Variants in KLF8 observed in about 807,000 individuals in gnomAD.
KLF8 encodes the protein Krueppel-like factor 8.
KLF8 carries 10 observed loss-of-function variants against 18.2 expected under a neutral mutation model. The observed-to-expected ratio is 0.55, with a 90% confidence interval of 0.34 to 0.93. The LOEUF is 0.93. Ranked by LOEUF, KLF8 falls within the 40% of genes least tolerant of loss-of-function variation. The pLI, the probability that KLF8 is intolerant of heterozygous loss-of-function variation, is 0.02. For synonymous variants in KLF8, 109 were observed against 97.3 expected (o/e 1.12, Z -0.71); for missense variants, 264 against 277.9 (o/e 0.95, Z 0.36).
chrX:56,121,166 A>T, the KLF8 span, among the ~76,000 whole-genome samples: 2 of 100,548 alleles, frequency 2.0e-5, no homozygotes, highest in African/African-American at 7.8e-5. Context: ...AGCCTGGGCC[A>T]CAGAGCGAGA....
the KLF8 span, among the ~76,000 whole-genome samples, chrX:55,958,934 G>C: frequency 3.6e-5 from 4 of 112,100 alleles, no homozygotes; most frequent in Middle Eastern, 4.6e-3. Context: ...ACATGTGTGA[G>C]GACCCCTGCC....
the KLF8 span, among the ~76,000 whole-genome samples, chrX:56,186,068 G>A: frequency 8.9e-6 from 1 of 111,979 alleles, no homozygotes; most frequent in Non-Finnish European, 1.9e-5. Flanking sequence ...CCAATTAAAA[G>A]ACACAGACTG....
intron 5 of KLF8, among the ~76,000 whole-genome samples, chrX:56,278,848 G>A (rs1467933015): frequency 8.9e-6 from 1 of 111,760 alleles, no homozygotes; most frequent in Non-Finnish European, 1.9e-5. Flanking sequence ...TGGGATGGGC[G>A]ATTCCCTTCT....
At chrX:56,006,183 A>T in the KLF8 span, among the ~76,000 whole-genome samples, 3 of 112,336 alleles carry the variant, frequency 2.7e-5, no homozygotes, top group South Asian at 1.1e-3. Context: ...GAATCTCCAC[A>T]GCCTGGAGTC....
intron 1 of KLF8, among the ~76,000 whole-genome samples, chrX:56,249,814 G>A (rs761805711): frequency 9.0e-6 from 1 of 111,629 alleles, no homozygotes. Flanking sequence ...TTTAAGAGAC[G>A]TAGACAGATA....
At chrX:55,913,815 T>A in the KLF8 span, among the ~76,000 whole-genome samples, 1 of 111,890 alleles carries the variant, frequency 8.9e-6, no homozygotes, top group East Asian at 2.8e-4. Flanking sequence ...ATAATGTGGG[T>A]TGGAGAAGAA....
At chrX:56,209,460 A>G in the KLF8 span, among the ~76,000 whole-genome samples, 5 of 110,552 alleles carry the variant, frequency 4.5e-5, no homozygotes, top group Non-Finnish European at 9.5e-5. Flanking sequence ...ATTCAATGTC[A>G]TTATTCACAA....
chrX:55,915,511 G>A, the KLF8 span, among the ~76,000 whole-genome samples: 5 of 111,929 alleles, frequency 4.5e-5, no homozygotes, highest in African/African-American at 9.7e-5. Context: ...TAACATGTAA[G>A]ACAGATTTTG....
the KLF8 span, among the ~76,000 whole-genome samples, chrX:56,222,598 G>C: frequency 8.9e-6 from 1 of 112,862 alleles, no homozygotes; most frequent in Admixed American, 9.3e-5. Context: ...CCACATGGTG[G>C]GCCTGCACTC....
At chrX:56,202,029 C>T in the KLF8 span, among the ~76,000 whole-genome samples, 4 of 111,159 alleles carry the variant, frequency 3.6e-5, no homozygotes, top group Admixed American at 3.8e-4. Flanking sequence ...CAACTTCTCC[C>T]TCATTGCCAA....
the KLF8 span, among the ~76,000 whole-genome samples, chrX:56,130,061 C>A: frequency 9.1e-6 from 1 of 110,194 alleles, no homozygotes; most frequent in Non-Finnish European, 1.9e-5. Flanking sequence ...CATGCCTAAC[C>A]CACCCCAGTA....
At chrX:56,107,716 C>T in the KLF8 span, among the ~76,000 whole-genome samples, 2 of 111,211 alleles carry the variant, frequency 1.8e-5, no homozygotes, top group South Asian at 3.8e-4. Context: ...GGTCGCCCTC[C>T]GTGTGCTGCA....
chrX:56,266,618 C>T, intron 3 of KLF8: 1 of 750,105 alleles, frequency 1.3e-6, no homozygotes, highest in Non-Finnish European at 1.6e-6. Context: ...TTAAGTCTCT[C>T]TTCCACCACT....
At chrX:55,955,439 C>T in the KLF8 span, among the ~76,000 whole-genome samples, 2 of 108,723 alleles carry the variant, frequency 1.8e-5, no homozygotes, top group African/African-American at 7.1e-5. Context: ...TGATGATAGC[C>T]ATAACAGGGT....
the KLF8 span, among the ~76,000 whole-genome samples, chrX:56,166,259 A>G: frequency 9.0e-6 from 1 of 111,213 alleles, no homozygotes; most frequent in African/African-American, 3.3e-5. Flanking sequence ...TACTTTATAT[A>G]GTTTCATCAA....
chrX:56,275,882 T>C (rs1222877166), intron 5 of KLF8, among the ~76,000 whole-genome samples: 1 of 112,023 alleles, frequency 8.9e-6, no homozygotes, highest in African/African-American at 3.2e-5. Context: ...AATGTGTTGC[T>C]AGTATTTTGT....
the KLF8 span, among the ~76,000 whole-genome samples, chrX:56,221,436 T>C: frequency 8.9e-6 from 1 of 112,277 alleles, no homozygotes; most frequent in South Asian, 3.7e-4. Context: ...TCATGTCCTA[T>C]TGTGTCAGGA....
chrX:56,003,407 AAAATAAATAAATAAATAAATAAAT>A, the KLF8 span, among the ~76,000 whole-genome samples: 1 of 100,268 alleles, frequency 1.0e-5, no homozygotes, highest in Non-Finnish European at 2.0e-5. Context: ...GAGACTCCGT[AAAATAAATAAATAAATAAATAAAT>A]AAATAAATAA....
At position 56,288,660 on chromosome X, in the gene KLF8, T is replaced by C. The variant is rs2067293423; in HGVS notation, c.*4166T>C. ...ATAGCATTATGTCTAAAAAACAATG[T>C]ACATACCTTATTTTAAAATACTTTA... On this transcript the variant is annotated 3_prime_UTR_variant, in exon 6 of 6. Transcript: ENST00000468660. Among the ~76,000 whole-genome samples the C allele has an allele frequency of 8.9e-6, 1 of 112,640 alleles. No homozygotes were observed. The highest frequency in any genetic ancestry group is 3.6e-4 in the South Asian group (1 of 2,763).
Sources: allele counts gnomAD v4.1 joint callset (sites outside exome capture counted in the v4.1 genomes callset), GRCh38; gene constraint gnomAD v4.1.1; transcripts MANE v1.5; gene names NCBI Gene and HGNC (gene_info 2026-07-23, HGNC 2026-07-21).